Variants in SIPA1L1 observed in about 807,000 individuals in gnomAD.
SIPA1L1 encodes the protein signal-induced proliferation-associated 1-like protein 1.
In SIPA1L1, 26 loss-of-function variants were observed where a neutral mutation model predicts 162.7. The ratio of observed to expected loss-of-function variants is 0.16; its 90% CI spans 0.12 to 0.22. The LOEUF (loss-of-function observed/expected upper bound fraction) is 0.22. Ranked by LOEUF, SIPA1L1 falls within the 10% of genes least tolerant of loss-of-function variation. SIPA1L1 has a pLI of 1.00. For synonymous variants in SIPA1L1, 829 were observed against 837.4 expected (o/e 0.99, Z 0.17); for missense variants, 1,874 against 2,241.0 (o/e 0.84, Z 3.31).
intron 12 of SIPA1L1, among the ~76,000 whole-genome samples, chr14:71,678,455 A>C (rs759417633): frequency 6.6e-6 from 1 of 152,098 alleles, no homozygotes; most frequent in Non-Finnish European, 1.5e-5. Context: ...ATTGATTTGC[A>C]TATGTTGAAC....
intron 2 of SIPA1L1, among the ~76,000 whole-genome samples, chr14:71,453,760 G>A (rs1290214233): frequency 6.6e-6 from 1 of 152,048 alleles, no homozygotes; most frequent in Non-Finnish European, 1.5e-5. Flanking sequence ...TTGGGAGGCC[G>A]AGGCAAGTGG....
chr14:71,366,556 C>T (rs2038314159), intron 2 of SIPA1L1, among the ~76,000 whole-genome samples: 1 of 152,142 alleles, frequency 6.6e-6, no homozygotes, highest in South Asian at 2.1e-4. Context: ...GCCTCAGCCT[C>T]TCGAGTAGCT....
intron 7 of SIPA1L1, among the ~76,000 whole-genome samples, chr14:71,647,910 A>G (rs1286570585): frequency 6.6e-6 from 1 of 151,272 alleles, no homozygotes; most frequent in African/African-American, 2.4e-5. Flanking sequence ...TTTTTTTCTT[A>G]TGTGTGCTAT....
chr14:71,597,633 CAT>C (rs919918629), intron 5 of SIPA1L1, among the ~76,000 whole-genome samples: 1 of 152,176 alleles, frequency 6.6e-6, no homozygotes, highest in African/African-American at 2.4e-5. Flanking sequence ...TAGAAACCCA[CAT>C]GTGTGTCAAA....
chr14:71,375,975 T>A (rs2039336238), intron 2 of SIPA1L1, among the ~76,000 whole-genome samples: 1 of 152,188 alleles, frequency 6.6e-6, no homozygotes, highest in Admixed American at 6.5e-5. Context: ...TAAAATTTTG[T>A]TAAAGATTTT....
At chr14:71,507,856 C>T (rs1287747620) in intron 2 of SIPA1L1, among the ~76,000 whole-genome samples, 2 of 152,182 alleles carry the variant, frequency 1.3e-5, no homozygotes, top group Admixed American at 6.5e-5. Flanking sequence ...GTTTTCAGCT[C>T]CTCTCTTGAC....
intron 4 of SIPA1L1, among the ~76,000 whole-genome samples, chr14:71,546,376 C>CTTTTTTTTT (rs11480749): frequency 3.4e-5 from 4 of 116,932 alleles, no homozygotes; most frequent in Non-Finnish European, 6.6e-5. Flanking sequence ...CTTTTTCTTT[C>CTTTTTTTTT]TTTTTTTTTT....
intron 14 of SIPA1L1, among the ~76,000 whole-genome samples, chr14:71,699,954 T>C (rs1272638577): frequency 6.6e-6 from 1 of 152,222 alleles, no homozygotes; most frequent in East Asian, 1.9e-4. Flanking sequence ...TAAATGCTTC[T>C]CTGAACAAAG....
chr14:71,730,436 C>T (rs2084662281), intron 20 of SIPA1L1, 135 bp downstream of exon 20: 1 of 970,708 alleles, frequency 1.0e-6, no homozygotes, highest in Admixed American at 2.3e-5. Context: ...CCGCCCCTTC[C>T]TCATTTGCCC....
intron 2 of SIPA1L1, among the ~76,000 whole-genome samples, chr14:71,433,954 T>A (rs1460973684): frequency 6.6e-6 from 1 of 152,232 alleles, no homozygotes; most frequent in Non-Finnish European, 1.5e-5. Context: ...TTAAAATGCC[T>A]CTCTATTTTC....
rs1221742944 is a variant in SIPA1L1, at chr14:71,739,485, C to T, written c.*324C>T. 6.0e-6 allele frequency: 1 copy of T among 165,804 alleles called. No individual in the cohort carries two copies. The highest frequency in any genetic ancestry group is 2.4e-5 in the African/African-American group (1 of 42,032). 10.3% of individuals were successfully genotyped at this position (165,804 alleles called of 1,614,324 possible). ...GAAACTGGGCCTTGGACCAGGGCGC[C>T]CCCTGGCCCATCCGCCTCTATTCCC... On this transcript the variant is annotated 3_prime_UTR_variant, in exon 24 of 24. Coordinates refer to ENST00000381232, the MANE Select transcript of SIPA1L1 (RefSeq NM_001386936.1).
chr14:71,729,788 C>T (rs1276077620), intron 19 of SIPA1L1, among the ~76,000 whole-genome samples: 1 of 152,228 alleles, frequency 6.6e-6, no homozygotes, highest in Non-Finnish European at 1.5e-5. Context: ...TTTAACCACA[C>T]ACGATCTTGA....
At chr14:71,714,247 C>T (rs2083095189) in intron 17 of SIPA1L1, among the ~76,000 whole-genome samples, 1 of 152,110 alleles carries the variant, frequency 6.6e-6, no homozygotes, top group African/African-American at 2.4e-5. Flanking sequence ...CTTTTAGTAA[C>T]CTCAAAGACT....
chr14:71,451,192 A>T (rs1288952434), intron 2 of SIPA1L1, among the ~76,000 whole-genome samples: 1 of 152,162 alleles, frequency 6.6e-6, no homozygotes. Context: ...AAAATAAAAA[A>T]GTTGAACTCA....
chr14:71,402,139 T>A (rs1419005197), intron 2 of SIPA1L1, among the ~76,000 whole-genome samples: 5 of 151,728 alleles, frequency 3.3e-5, no homozygotes, highest in African/African-American at 1.2e-4. Context: ...AAAAAAAAAA[T>A]ATGGCTAATA....
chr14:71,685,169 A>G (rs536594471), intron 12 of SIPA1L1, among the ~76,000 whole-genome samples, 193 bp from the exon 13 acceptor site: 2 of 152,362 alleles, frequency 1.3e-5, no homozygotes, highest in South Asian at 4.1e-4. Flanking sequence ...AAAGGAAAAT[A>G]CTATTATAAT....
chr14:71,541,248 T>A (rs147098709), intron 4 of SIPA1L1, among the ~76,000 whole-genome samples: 1 of 152,358 alleles, frequency 6.6e-6, no homozygotes, highest in South Asian at 2.1e-4. Flanking sequence ...TATTAAATGT[T>A]AAGTTCTGCC....
At chr14:71,351,507 G>C (rs1161349254) in intron 2 of SIPA1L1, among the ~76,000 whole-genome samples, 1 of 152,160 alleles carries the variant, frequency 6.6e-6, no homozygotes, top group African/African-American at 2.4e-5. Context: ...CAGTAGGGTG[G>C]ATATGACTGA....
chr14:71,500,781 C>T (rs1477907861), intron 2 of SIPA1L1, among the ~76,000 whole-genome samples: 3 of 149,504 alleles, frequency 2.0e-5, no homozygotes, highest in African/African-American at 2.5e-5. Flanking sequence ...CCAAGGCGGG[C>T]GGGTCACCTG....
Sources: allele counts gnomAD v4.1 joint callset (sites outside exome capture counted in the v4.1 genomes callset), GRCh38; gene constraint gnomAD v4.1.1; transcripts MANE v1.5; gene names NCBI Gene and HGNC (gene_info 2026-07-23, HGNC 2026-07-21).